Variants in MAP3K15 observed in about 807,000 individuals in gnomAD.
The protein encoded by MAP3K15 is MAPK/ERK kinase kinase 15.
A neutral mutation model predicts 99.5 loss-of-function variants in MAP3K15; 124 were observed. The ratio of observed to expected loss-of-function variants is 1.25; its 90% CI spans 1.08 to 1.45. The LOEUF (loss-of-function observed/expected upper bound fraction) is 1.45. Ranked by LOEUF, MAP3K15 falls within the 40% of genes most tolerant of loss-of-function variation. The pLI is 0.00. For missense variants in MAP3K15, 1,242 were observed against 1,079.7 expected (o/e 1.15, Z -2.11); for synonymous variants, 494 against 439.6 (o/e 1.12, Z -1.55).
intron 25 of MAP3K15, among the ~76,000 whole-genome samples, chrX:19,364,559 A>C (rs1473114362): frequency 1.8e-5 from 2 of 111,473 alleles, no homozygotes; most frequent in African/African-American, 6.5e-5. Flanking sequence ...AAAACCTAAA[A>C]ATACGACTCT....
chrX:19,429,784 G>C (rs1038529723), intron 7 of MAP3K15, among the ~76,000 whole-genome samples: 49 of 67,958 alleles, frequency 7.2e-4, no homozygotes, highest in African/African-American at 4.8e-3. Flanking sequence ...GAGAGAGAGA[G>C]AGAGAGAGAG....
At chrX:19,468,546 C>T (rs777377797) in intron 3 of MAP3K15, among the ~76,000 whole-genome samples, 1 of 111,753 alleles carries the variant, frequency 8.9e-6, no homozygotes, top group Non-Finnish European at 1.9e-5. Flanking sequence ...ACTGTCATTC[C>T]TGGGTGAGGA....
chrX:19,449,695 G>A (rs1388163809), intron 6 of MAP3K15, among the ~76,000 whole-genome samples: 1 of 109,045 alleles, frequency 9.2e-6, no homozygotes, highest in Admixed American at 9.7e-5. Flanking sequence ...TTTACCAAAC[G>A]ATCGCTTTTT....
chrX:19,500,919 A>G (rs1260215538), intron 1 of MAP3K15, among the ~76,000 whole-genome samples: 1 of 112,263 alleles, frequency 8.9e-6, no homozygotes, highest in African/African-American at 3.2e-5. Flanking sequence ...CTACTCTAAA[A>G]TGCACTCAAG....
rs747874840 is a variant in MAP3K15, at chrX:19,375,167, T to C, written c.2590-507A>G. ...GAGGCATGAGAAAAAGTCATCGTTT[T>C]AAGCTTCTGAAATTTTGGGGTGGTT... is the stretch of plus-strand genomic sequence containing the variant. On this transcript the variant is annotated intron_variant, in intron 19 of 28. Transcript: ENST00000338883. 4.4e-5 allele frequency among the ~76,000 whole-genome samples: 5 copies of C among 112,531 alleles called. No homozygotes were observed. In the East Asian group the frequency reaches 1.1e-3, roughly 25 times the overall value.
chrX:19,405,042 G>C (rs924337558), intron 13 of MAP3K15, among the ~76,000 whole-genome samples: 13 of 109,798 alleles, frequency 1.2e-4, no homozygotes, highest in Admixed American at 8.8e-4. Flanking sequence ...AAAAACTTTC[G>C]TGCTGCAAGT....
At chrX:19,398,082 AAG>A (rs1174280956) in intron 15 of MAP3K15, 142 bp downstream of exon 15, 6 of 683,174 alleles carry the variant, frequency 8.8e-6, no homozygotes, top group South Asian at 6.9e-5. Flanking sequence ...AAAAAAAAAA[AAG>A]ATCACCCCTA....
chrX:19,443,365 T>A (rs1270312421), intron 6 of MAP3K15, among the ~76,000 whole-genome samples: 1 of 111,643 alleles, frequency 9.0e-6, no homozygotes, highest in Non-Finnish European at 1.9e-5. Flanking sequence ...GTGCCTACTC[T>A]GTGGGTGGCA....
chrX:19,415,718 T>C (rs182530421), intron 9 of MAP3K15, among the ~76,000 whole-genome samples: 2 of 103,859 alleles, frequency 1.9e-5, no homozygotes, highest in East Asian at 5.9e-4. Flanking sequence ...CCTAGAAATA[T>C]AAAAAAAAAA....
chrX:19,440,669 A>G (rs991896551), intron 6 of MAP3K15, among the ~76,000 whole-genome samples: 11 of 112,383 alleles, frequency 9.8e-5, no homozygotes, highest in Non-Finnish European at 2.1e-4. Flanking sequence ...GGCATTTCCC[A>G]GGCTGGCTTT....
rs764257854 is a variant in MAP3K15 at position 19,369,411 on chromosome X, C to T, written c.3401-192G>A. 2.7e-5 allele frequency among the ~76,000 whole-genome samples: 3 copies of T among 111,730 alleles called. No individual in the cohort carries two copies. The South Asian group carries it at 1.1e-3, about 42-fold the overall frequency. On this transcript the variant is annotated intron_variant, in intron 24 of 28. Transcript: ENST00000338883. ...TGGTTCTCTGCAGCGTAAAGTTGATCACGCCAGTTTCCACAGGAAGAAATT... is the reference window on the plus strand; with the variant it reads ...TGGTTCTCTGCAGCGTAAAGTTGATTACGCCAGTTTCCACAGGAAGAAATT...
intron 6 of MAP3K15, among the ~76,000 whole-genome samples, chrX:19,435,133 G>A (rs2147318340): frequency 8.9e-6 from 1 of 111,776 alleles, no homozygotes; most frequent in Admixed American, 9.6e-5. Context: ...ACTTTTATGA[G>A]GCACAACATT....
chrX:19,502,820 TCAAAA>T (rs973250854), intron 1 of MAP3K15, among the ~76,000 whole-genome samples: 1 of 111,809 alleles, frequency 8.9e-6, no homozygotes, highest in Non-Finnish European at 1.9e-5. Context: ...AGACCCTGTC[TCAAAA>T]CAAAACAAAA....
At chrX:19,427,642 C>T (rs1339991619) in intron 7 of MAP3K15, among the ~76,000 whole-genome samples, 4 of 110,958 alleles carry the variant, frequency 3.6e-5, no homozygotes, top group African/African-American at 6.6e-5. Flanking sequence ...GTTCTATGAA[C>T]GAGTATGAAA....
At chrX:19,443,393 G>A (rs1434069645) in intron 6 of MAP3K15, among the ~76,000 whole-genome samples, 2 of 111,517 alleles carry the variant, frequency 1.8e-5, no homozygotes, top group Non-Finnish European at 3.8e-5. Context: ...ACTAGGCACT[G>A]GCTATATCAC....
At chrX:19,505,083 A>C (rs1198489854) in intron 1 of MAP3K15, among the ~76,000 whole-genome samples, 1 of 111,137 alleles carries the variant, frequency 9.0e-6, no homozygotes, top group Admixed American at 9.7e-5. Context: ...AACATTTGAA[A>C]AAGTTACCTA....
chrX:19,499,670 G>C (rs1427594824), intron 1 of MAP3K15, among the ~76,000 whole-genome samples: 1 of 112,038 alleles, frequency 8.9e-6, no homozygotes, highest in Non-Finnish European at 1.9e-5. Flanking sequence ...CATGCTGAGT[G>C]AACAAAGCCA....
chrX:19,410,052 A>G, intron 11 of MAP3K15, 79 bp from the exon 12 acceptor site: 1 of 870,974 alleles, frequency 1.1e-6, no homozygotes, highest in Non-Finnish European at 1.7e-6. Context: ...TCTATGGTCA[A>G]TCATTTCTGC....
rs748198804 is a variant in MAP3K15, at chrX:19,361,340, G to A, written c.3856C>T (p.Arg1286Trp). ...TACAAACTGTTTTGAGGCTCTTACC[G>A]TAGTCGAAGGTATCTTAGATCTTCC... Reference protein sequence around the residue: ...TKEDLRYLRLRGGLLCRLWSA... With the variant: ...TKEDLRYLRLWGGLLCRLWSA... The change falls in exon 28 of 29, where the codon CGG becomes TGG. Residue 1286 changes from arginine (R) to tryptophan (W), a missense_variant and splice_region_variant. Arg to Trp is a moderately radical substitution (Grantham distance 101). Transcript: ENST00000338883. 1.6e-5 allele frequency: 19 copies of A among 1,193,967 alleles called. No homozygotes were observed. The highest frequency in any genetic ancestry group is 1.1e-4 in the Admixed American group (5 of 45,447).
Sources: gnomAD v4.1 joint callset for allele counts (sites outside exome capture counted in the v4.1 genomes callset) on GRCh38, gnomAD v4.1.1 for gene constraint, MANE v1.5 for transcripts, NCBI Gene and HGNC (gene_info 2026-07-23, HGNC 2026-07-21) for gene names.